The following SHPK variants were observed in gnomAD, a reference collection of about 807,000 sequenced individuals.
The protein encoded by SHPK is sedoheptulokinase.
In SHPK, 51 loss-of-function variants were observed where a neutral mutation model predicts 46.3. The observed-to-expected ratio is 1.10, with a 90% CI of 0.88 to 1.39. SHPK has a LOEUF of 1.39. Ranked by LOEUF, SHPK falls within the 40% of genes most tolerant of loss-of-function variation. The pLI, the probability that SHPK is intolerant of heterozygous loss-of-function variation, is 0.00. For missense variants in SHPK, 668 were observed against 641.3 expected, an observed-to-expected ratio of 1.04 and a Z score of -0.45; for synonymous variants, 290 against 273.9, an observed-to-expected ratio of 1.06 and a Z score of -0.58.
At chr17:3,622,998 C>A (rs1006423809) in intron 4 of SHPK, among the ~76,000 whole-genome samples, 4 of 152,232 alleles carry the variant, frequency 2.6e-5, no homozygotes, top group Non-Finnish European at 5.9e-5. Flanking sequence ...AGCCACCGCG[C>A]CTGGCTCTCT....
At chr17:3,626,796 T>C (rs538831792) in intron 2 of SHPK, among the ~76,000 whole-genome samples, 2 of 150,808 alleles carry the variant, frequency 1.3e-5, no homozygotes, top group Non-Finnish European at 3.0e-5. Flanking sequence ...AGGGGAAATT[T>C]AGGCAGGAGA....
chr17:3,632,771 G>A (rs760878045), intron 1 of SHPK, among the ~76,000 whole-genome samples: 98 of 151,928 alleles, frequency 6.5e-4, no homozygotes, highest in African/African-American at 2.2e-3. Flanking sequence ...TTTTTACAGC[G>A]GAGGAAACTG....
At chr17:3,635,717 C>A (rs2075516867) in intron 1 of SHPK, among the ~76,000 whole-genome samples, 1 of 152,166 alleles carries the variant, frequency 6.6e-6, no homozygotes, top group Non-Finnish European at 1.5e-5. Flanking sequence ...GAAAGGGAGG[C>A]CTGTGGTCAT....
rs539363071 is a variant in SHPK, at chr17:3,624,289, G to A, written c.311-58C>T. The A allele has an allele frequency of 7.0e-5, 105 of 1,506,340 alleles. No homozygotes were observed. The East Asian group carries it at 1.4e-3, about 20-fold the overall frequency. The allele number at this position is 1,506,340 out of a possible 1,614,324, so 93.3% of individuals were successfully genotyped here. On this transcript the variant is annotated intron_variant, in intron 2 of 6. Coordinates refer to ENST00000225519, the MANE Select transcript of SHPK (RefSeq NM_013276.4). Reference sequence around the variant, plus strand: ...AAGAGCAAATGACTAGGCATGGCGCGGCCTTGATACTACTCTGCTGGTGAG... The same window carrying A: ...AAGAGCAAATGACTAGGCATGGCGCAGCCTTGATACTACTCTGCTGGTGAG...
chr17:3,627,933 C>T lies in SHPK; in HGVS notation c.310+2272G>A, dbSNP rs1306730644. 3.3e-5 allele frequency among the ~76,000 whole-genome samples: 5 copies of T among 152,120 alleles called. 1 individual carries two copies. The South Asian group carries it at 6.3e-4, about 19-fold the overall frequency. On this transcript the variant is annotated intron_variant, in intron 2 of 6. Transcript: ENST00000225519. ...ATCGCCTTCTGCTCCCGCCACTGCT[C>T]GGTGCCAAGCAGCTCCCACGGCCCC...
At chr17:3,628,702 G>A (rs979175504) in intron 2 of SHPK, among the ~76,000 whole-genome samples, 15 of 152,120 alleles carry the variant, frequency 9.9e-5, no homozygotes, top group African/African-American at 2.7e-4. Flanking sequence ...ATGCTGGAGT[G>A]CAGTGGAGCA....
rs774782328 is a variant in SHPK, at chr17:3,621,372, T to A, written c.688A>T (p.Ile230Phe). 1 of 1,614,174 alleles carries A rather than the reference T, an allele frequency of 6.2e-7. No homozygotes were observed. The highest frequency in any genetic ancestry group is 1.1e-5 in the South Asian group (1 of 91,080). ...SGFPVHLLPD[I>F]AEPGSVAGRT... ...CCCGCCACACTGCCAGGCTCGGCGA[T>A]GTCTGGGAGCAGGTGGACAGGAAAA... Residue 230 changes from isoleucine (I) to phenylalanine (F), a missense_variant, in exon 5 of 7, where the codon ATC (isoleucine) becomes TTC (phenylalanine). Transcript: ENST00000225519.
At chr17:3,616,800 G>A (rs756541122) in intron 5 of SHPK, among the ~76,000 whole-genome samples, 4 of 152,126 alleles carry the variant, frequency 2.6e-5, no homozygotes, top group Admixed American at 2.0e-4. Context: ...GTGCAATGGC[G>A]CGATCTTCGC....
intron 5 of SHPK, among the ~76,000 whole-genome samples, chr17:3,618,172 T>C (rs980260975): frequency 4.6e-5 from 7 of 152,258 alleles, no homozygotes; most frequent in East Asian, 1.9e-4. Flanking sequence ...ACTGGCGCGA[T>C]CTCAGCTCAC....
At chr17:3,629,391 C>T (rs527488721) in intron 2 of SHPK, among the ~76,000 whole-genome samples, 1 of 152,254 alleles carries the variant, frequency 6.6e-6, no homozygotes, top group East Asian at 1.9e-4. Flanking sequence ...TGTGGCAGAT[C>T]TTCATAAGAC....
In SHPK at chr17:3,613,147, G is replaced by T. The variant is rs539202069; in HGVS notation, c.1025-2175C>A. ...GCTCCCAGAGGAAACTGTACTCCAG[G>T]CCAGTAGACCAGGCTTTCTGAGGAG... is the stretch of plus-strand genomic sequence containing the variant. On this transcript the variant is annotated intron_variant, in intron 6 of 6. Transcript: ENST00000225519. Among the ~76,000 whole-genome samples the T allele has an allele frequency of 2.6e-4, 39 of 152,272 alleles. 1 individual carries two copies. Among genetic ancestry groups the T allele is most frequent in the South Asian group, 2.3e-3 (11 of 4,822 alleles).
In SHPK at chr17:3,616,808, C is replaced by T. The variant is rs889505058; in HGVS notation, c.824-1271G>A. 5.9e-5 allele frequency among the ~76,000 whole-genome samples: 9 copies of T among 152,162 alleles called. 1 individual carries two copies. The highest frequency in any genetic ancestry group is 7.3e-5 in the Non-Finnish European group (5 of 68,030). ...GTCTGGAGTGCAATGGCGCGATCTT[C>T]GCTCATGCAACCTCTGCCTCCCAGG... is the stretch of plus-strand genomic sequence containing the variant. On this transcript the variant is annotated intron_variant, in intron 5 of 6. Coordinates refer to ENST00000225519, the MANE Select transcript of SHPK (RefSeq NM_013276.4).
Position 3,614,439 on chromosome 17 carries a change from G to C in SHPK, c.1024+898C>G, listed in dbSNP as rs924124429. On this transcript the variant is annotated intron_variant, in intron 6 of 6. Transcript: ENST00000225519. Reference sequence around the variant, plus strand: ...ACTTGGGAGGCTGAGGCAGGAGAATGGCGTGAACCTGGGAGGCGGAGATTG... The same window carrying C: ...ACTTGGGAGGCTGAGGCAGGAGAATCGCGTGAACCTGGGAGGCGGAGATTG... Among the ~76,000 whole-genome samples, 204 of 151,322 alleles carry C rather than the reference G, an allele frequency of 1.3e-3. 1 individual carries two copies. In the Middle Eastern group the frequency reaches 0.014, roughly 11 times the overall value.
rs2075453236 is a variant in SHPK, at chr17:3,628,711, CA to C, written c.310+1493del. On this transcript the variant is annotated intron_variant, in intron 2 of 6. Transcript: ENST00000225519. ...TAGCCCATGCTGGAGTGCAGTGGAG[CA>C]ATCACAGCTCACTGCAGCCTCAACC... is the stretch of plus-strand genomic sequence containing the variant. 2.6e-5 allele frequency among the ~76,000 whole-genome samples: 4 copies of C among 152,228 alleles called. No homozygotes were observed. In the South Asian group the frequency reaches 8.3e-4, roughly 32 times the overall value.
chr17:3,611,495 G>C (rs1438386835), intron 6 of SHPK, among the ~76,000 whole-genome samples: 1 of 152,178 alleles, frequency 6.6e-6, no homozygotes, highest in East Asian at 1.9e-4. Context: ...CTTGAACCTG[G>C]GAGGCAGAGG....
In SHPK at chr17:3,620,621, AT is replaced by A. The variant is rs1281778037; in HGVS notation, c.823+615del. On this transcript the variant is annotated intron_variant, in intron 5 of 6. Coordinates refer to ENST00000225519, the MANE Select transcript of SHPK (RefSeq NM_013276.4). The stretch of plus-strand genomic sequence containing the variant: ...TCTGTCGTCAGGCTGGAGTGCAGTG[AT>A]GTGATCTCAGCTCACTGAAACCTCC... Among the ~76,000 whole-genome samples, 29 of 149,134 alleles carry A rather than the reference AT, an allele frequency of 1.9e-4. No individual in the cohort carries two copies. In the Admixed American group the frequency reaches 1.9e-3, roughly 10 times the overall value.
At chr17:3,628,673 G>C (rs116981839) in intron 2 of SHPK, among the ~76,000 whole-genome samples, 1 of 150,634 alleles carries the variant, frequency 6.6e-6, no homozygotes, top group African/African-American at 2.4e-5. Flanking sequence ...TTCTGAGACG[G>C]GGTCTTGCTC....
At chr17:3,624,427 C>T (rs984103536) in intron 2 of SHPK, among the ~76,000 whole-genome samples, 196 bp from the exon 3 acceptor site, 1 of 152,058 alleles carries the variant, frequency 6.6e-6, no homozygotes, top group South Asian at 2.1e-4. Flanking sequence ...ACCCTGGGCA[C>T]GTCACATACT....
intron 1 of SHPK, among the ~76,000 whole-genome samples, chr17:3,635,240 A>AGGAAGGAAGGAAGGGAAG (rs1555556012): frequency 6.4e-5 from 9 of 140,372 alleles, no homozygotes; most frequent in East Asian, 4.9e-4. Flanking sequence ...GAAGGAAGGA[A>AGGAAGGAAGGAAGGGAAG]GGAAGGGAAG....
Sources: allele counts gnomAD v4.1 joint callset (sites outside exome capture counted in the v4.1 genomes callset), GRCh38; gene constraint gnomAD v4.1.1; transcripts MANE v1.5; gene names NCBI Gene and HGNC (gene_info 2026-07-23, HGNC 2026-07-21).